The following TRIM33 variants were observed in gnomAD, a reference collection of about 807,000 sequenced individuals.
TRIM33 encodes tripartite motif containing 33, also known as E3 ubiquitin-protein ligase TRIM33.
Under a neutral mutation model 125.4 loss-of-function variants are expected in TRIM33, and 20 were observed. That is an observed-to-expected ratio of 0.16 (90% CI 0.11 to 0.23). The LOEUF is 0.23. Ranked by LOEUF, TRIM33 falls within the 10% of genes least tolerant of loss-of-function variation. The pLI is 1.00. For synonymous variants in TRIM33, 564 were observed against 513.9 expected (o/e 1.10, Z -1.32); for missense variants, 920 against 1,411.4 (o/e 0.65, Z 5.58).
intron 1 of TRIM33, among the ~76,000 whole-genome samples, chr1:114,487,086 C>CAA (rs60855013): frequency 4.1e-4 from 49 of 118,406 alleles, no homozygotes; most frequent in Middle Eastern, 4.2e-3. Flanking sequence ...GACTCTGTCT[C>CAA]AAAAAAAAAA....
At chr1:114,471,423 GAGCA>G (rs1650643575) in intron 1 of TRIM33, among the ~76,000 whole-genome samples, 1 of 148,014 alleles carries the variant, frequency 6.8e-6, no homozygotes, top group Admixed American at 6.8e-5. Flanking sequence ...CCTGGCGACA[GAGCA>G]AGCAAGATTC....
chr1:114,439,501 ATC>A (rs1031714513), intron 4 of TRIM33, among the ~76,000 whole-genome samples: 1 of 145,288 alleles, frequency 6.9e-6, no homozygotes, highest in East Asian at 2.0e-4. Flanking sequence ...AAAAAATCTA[ATC>A]TCTGTTAATC....
intron 4 of TRIM33, among the ~76,000 whole-genome samples, chr1:114,451,211 T>C (rs1258701020): frequency 6.6e-6 from 1 of 152,056 alleles, no homozygotes; most frequent in Non-Finnish European, 1.5e-5. Flanking sequence ...AGAGAATAGG[T>C]CCATTTTTTG....
chr1:114,440,433 C>T (rs1044774447), intron 4 of TRIM33, among the ~76,000 whole-genome samples: 6 of 151,444 alleles, frequency 4.0e-5, no homozygotes. Flanking sequence ...AAAAACAGCA[C>T]CCTAAGCAAG....
chr1:114,395,459 T>C lies in TRIM33; in HGVS notation c.*2189A>G, dbSNP rs1365646447. 6.2e-5 allele frequency: 12 copies of C among 193,128 alleles called. No individual in the cohort carries two copies. The highest frequency in any genetic ancestry group is 6.2e-4 in the Admixed American group (10 of 16,098). The allele number at this position is 193,128 out of a possible 1,614,324, so 12.0% of individuals were successfully genotyped here. A position where few individuals can be genotyped will look rare whatever the true frequency, so the allele number is the denominator to read the frequency against. ...GTTGGCAGAATCTATTTATGACTCA[T>C]TATCTACAATTTTTTTAAAAGGATC... On this transcript the variant is annotated 3_prime_UTR_variant, in exon 20 of 20. Transcript: ENST00000358465.
At chr1:114,502,856 A>C (rs768386206) in intron 1 of TRIM33, among the ~76,000 whole-genome samples, 3 of 152,288 alleles carry the variant, frequency 2.0e-5, no homozygotes, top group African/African-American at 2.4e-5. Context: ...TGTATTTCCT[A>C]AAACAAAAAA....
At chr1:114,454,776 G>A (rs1368486781) in intron 4 of TRIM33, among the ~76,000 whole-genome samples, 2 of 151,980 alleles carry the variant, frequency 1.3e-5, no homozygotes, top group Non-Finnish European at 1.5e-5. Flanking sequence ...CTTGACACTG[G>A]GCCAAGCTCA....
chr1:114,421,418 T>C lies in TRIM33; in HGVS notation c.2061+18A>G. 1 of 1,607,602 alleles carries C rather than the reference T, an allele frequency of 6.2e-7. No homozygotes were observed. The highest frequency in any genetic ancestry group is 1.1e-5 in the South Asian group (1 of 90,952). On this transcript the variant is annotated intron_variant, in intron 11 of 19. Transcript: ENST00000358465. ...TAACATTAAGTTTAATGAAGCCTCA[T>C]TCAACTCAAATACAAACCTGTATGG... is the stretch of plus-strand genomic sequence containing the variant.
At chr1:114,489,647 G>T (rs1651927420) in intron 1 of TRIM33, among the ~76,000 whole-genome samples, 4 of 151,792 alleles carry the variant, frequency 2.6e-5, no homozygotes, top group Admixed American at 2.0e-4. Context: ...TGGGAGGCTG[G>T]GGTGGGAGGA....
intron 4 of TRIM33, among the ~76,000 whole-genome samples, chr1:114,441,043 C>G (rs541524112): frequency 7.9e-5 from 12 of 152,344 alleles, no homozygotes; most frequent in African/African-American, 2.6e-4. Flanking sequence ...CATGGTGGCT[C>G]ACCCCGTAAT....
At chr1:114,479,662 T>C (rs1000819469) in intron 1 of TRIM33, among the ~76,000 whole-genome samples, 8 of 152,122 alleles carry the variant, frequency 5.3e-5, no homozygotes, top group East Asian at 3.9e-4. Flanking sequence ...ACTATATAAA[T>C]GTAACAATCA....
At chr1:114,440,002 G>C (rs760102029) in intron 4 of TRIM33, among the ~76,000 whole-genome samples, 12 of 152,168 alleles carry the variant, frequency 7.9e-5, no homozygotes, top group Non-Finnish European at 1.8e-4. Flanking sequence ...TGGATTCACA[G>C]TCCGTCACCA....
chr1:114,446,739 A>C (rs1649004210), intron 4 of TRIM33, among the ~76,000 whole-genome samples: 1 of 152,220 alleles, frequency 6.6e-6, no homozygotes, highest in Non-Finnish European at 1.5e-5. Context: ...AAATATAACA[A>C]GATTATACAT....
intron 1 of TRIM33, among the ~76,000 whole-genome samples, chr1:114,473,164 G>A (rs1478571673): frequency 6.6e-6 from 1 of 151,732 alleles, no homozygotes; most frequent in East Asian, 1.9e-4. Context: ...GGCTGAGGCA[G>A]GAGAATGGTG....
intron 4 of TRIM33, among the ~76,000 whole-genome samples, chr1:114,446,737 C>G (rs1277934128): frequency 1.3e-5 from 2 of 151,870 alleles, no homozygotes; most frequent in African/African-American, 2.4e-5. Context: ...TTAAATATAA[C>G]AAGATTATAC....
chr1:114,490,098 A>G (rs1448121029), intron 1 of TRIM33, among the ~76,000 whole-genome samples: 3 of 149,766 alleles, frequency 2.0e-5, no homozygotes, highest in Non-Finnish European at 4.5e-5. Flanking sequence ...AAAAAAAAAA[A>G]AAAAAAGAAA....
intron 1 of TRIM33, among the ~76,000 whole-genome samples, chr1:114,476,098 T>C (rs1310317907): frequency 6.6e-6 from 1 of 151,930 alleles, no homozygotes; most frequent in Non-Finnish European, 1.5e-5. Flanking sequence ...CATAAAAGAA[T>C]GGATGAAATA....
chr1:114,504,980 A>G (rs966536594), intron 1 of TRIM33, among the ~76,000 whole-genome samples: 1 of 152,204 alleles, frequency 6.6e-6, no homozygotes, highest in African/African-American at 2.4e-5. Context: ...AATTACCGAA[A>G]TAACACTACT....
intron 4 of TRIM33, among the ~76,000 whole-genome samples, chr1:114,446,491 C>G (rs1488728199): frequency 6.6e-6 from 1 of 151,724 alleles, no homozygotes; most frequent in African/African-American, 2.4e-5. Context: ...GTTACTAAAA[C>G]CATACAATAT....
Sources: allele counts gnomAD v4.1 joint callset (sites outside exome capture counted in the v4.1 genomes callset), GRCh38; gene constraint gnomAD v4.1.1; transcripts MANE v1.5; gene names NCBI Gene and HGNC (gene_info 2026-07-23, HGNC 2026-07-21).